The following PPFIA1 variants were observed in gnomAD, a reference collection of about 807,000 sequenced individuals.
The protein encoded by PPFIA1 is liprin-alpha-1.
PPFIA1 carries 25 observed loss-of-function variants against 149.9 expected under a neutral mutation model. That is an observed-to-expected ratio of 0.17 (90% CI 0.12 to 0.23). The LOEUF (loss-of-function observed/expected upper bound fraction) is 0.23. Ranked by LOEUF, PPFIA1 falls within the 10% of genes least tolerant of loss-of-function variation. PPFIA1 has a pLI of 1.00. For synonymous variants in PPFIA1, 549 were observed against 552.8 expected (o/e 0.99, Z 0.10); for missense variants, 1,362 against 1,506.5 (o/e 0.90, Z 1.59).
At chr11:70,368,073 C>T (rs75620697) in intron 21 of PPFIA1, among the ~76,000 whole-genome samples, 3 of 152,144 alleles carry the variant, frequency 2.0e-5, no homozygotes, top group South Asian at 2.1e-4. Flanking sequence ...GGAAAGTGGA[C>T]GTTACAGTGA....
chr11:70,357,662 C>T (rs968185939), intron 19 of PPFIA1, among the ~76,000 whole-genome samples: 3 of 151,522 alleles, frequency 2.0e-5, no homozygotes, highest in South Asian at 4.2e-4. Flanking sequence ...TCTCAGTTCA[C>T]TGCAAGCTCT....
intron 12 of PPFIA1, 96 bp downstream of exon 12, chr11:70,337,523 G>A: frequency 4.5e-6 from 4 of 883,768 alleles, no homozygotes; most frequent in Non-Finnish European, 6.7e-6. Flanking sequence ...AGAGCAGCTT[G>A]GTTTGTGGCT....
At chr11:70,334,428 G>A (rs958635531) in intron 10 of PPFIA1, 3 of 152,230 alleles carry the variant, frequency 2.0e-5, no homozygotes, top group African/African-American at 7.2e-5. Context: ...CCGACTCCCA[G>A]TGAGAGGGTG....
intron 2 of PPFIA1, among the ~76,000 whole-genome samples, chr11:70,275,760 T>C (rs892072520): frequency 2.6e-5 from 4 of 152,192 alleles, no homozygotes; most frequent in African/African-American, 4.8e-5. Flanking sequence ...TTTGATCTTT[T>C]TGTCATCTTT....
intron 2 of PPFIA1, among the ~76,000 whole-genome samples, chr11:70,293,913 G>A (rs2051706783): frequency 6.7e-6 from 1 of 149,728 alleles, no homozygotes; most frequent in South Asian, 2.1e-4. Flanking sequence ...TAAATACTCT[G>A]TAGTTCCTGC....
At position 70,331,976 on chromosome 11, in the gene PPFIA1, G is replaced by T; in HGVS notation, c.1094G>T (p.Arg365Leu). The T allele has an allele frequency of 6.2e-7, 1 of 1,609,460 alleles. No homozygotes were observed. The highest frequency in any genetic ancestry group is 8.5e-7 in the Non-Finnish European group (1 of 1,178,606). ...ATTTTATAGACTGAAGATAAAAACC[G>T]CCAGTTACAGGAGCGCTTGGAATTG... ...SMHRQTEDKN[R>L]QLQERLELAE... The change falls in exon 9 of 28, where the codon CGC (arginine) becomes CTC (leucine). Residue 365 changes from arginine to leucine, a missense_variant. Physicochemically the swap from Arg to Leu is moderately radical, Grantham distance 102 (BLOSUM62 -2). Coordinates refer to ENST00000253925, the MANE Select transcript of PPFIA1 (RefSeq NM_003626.5).
intron 2 of PPFIA1, among the ~76,000 whole-genome samples, chr11:70,292,380 C>T (rs989515950): frequency 6.6e-6 from 1 of 152,178 alleles, no homozygotes; most frequent in African/African-American, 2.4e-5. Flanking sequence ...CACATTGGAG[C>T]GCGGGCTGGG....
chr11:70,357,628 C>A (rs1242043077), intron 19 of PPFIA1, among the ~76,000 whole-genome samples: 2 of 151,460 alleles, frequency 1.3e-5, no homozygotes, highest in African/African-American at 4.9e-5. Flanking sequence ...GCTCTGTCAC[C>A]CACGCTGGAG....
chr11:70,283,659 A>T (rs916981298), intron 2 of PPFIA1, among the ~76,000 whole-genome samples: 12 of 151,466 alleles, frequency 7.9e-5, no homozygotes, highest in Non-Finnish European at 1.8e-4. Context: ...CCAAACTAGG[A>T]TGCTAGAATC....
intron 2 of PPFIA1, among the ~76,000 whole-genome samples, chr11:70,276,727 A>G (rs963032276): frequency 2.0e-4 from 31 of 152,056 alleles, no homozygotes; most frequent in African/African-American, 7.2e-4. Context: ...ATATTTCTTC[A>G]TGTGTCTATT....
intron 16 of PPFIA1, among the ~76,000 whole-genome samples, chr11:70,351,963 G>A (rs141716169): frequency 6.6e-6 from 1 of 152,220 alleles, no homozygotes; most frequent in Admixed American, 6.5e-5. Flanking sequence ...ATTAGGAGGA[G>A]ATCTGCTCAG....
chr11:70,347,556 A>G (rs994513561), intron 15 of PPFIA1, among the ~76,000 whole-genome samples: 52 of 152,154 alleles, frequency 3.4e-4, no homozygotes, highest in Admixed American at 3.2e-3. Flanking sequence ...ATTTTAAAAG[A>G]TGAGCCAGGC....
At chr11:70,368,548 T>C (rs1339258839) in intron 21 of PPFIA1, among the ~76,000 whole-genome samples, 1 of 152,224 alleles carries the variant, frequency 6.6e-6, no homozygotes, top group East Asian at 1.9e-4. Flanking sequence ...GTGTATAGAA[T>C]GTGTTAGTTC....
At position 70,326,243 on chromosome 11, in the gene PPFIA1, T is replaced by C; in HGVS notation, c.607-19T>C. ...TTATGTAAGGTATTTTACACTCATA[T>C]TCAATTTTTTGCTTTCAGCTAATGA... On this transcript the variant is annotated intron_variant, in intron 5 of 27. Transcript: ENST00000253925. 1 of 1,427,896 alleles carries C rather than the reference T, an allele frequency of 7.0e-7. No homozygotes were observed. The allele number at this position is 1,427,896 out of a possible 1,614,324, so 88.5% of individuals were successfully genotyped here. A position where few individuals can be genotyped will look rare whatever the true frequency, so the allele number is the denominator to read the frequency against.
At chr11:70,320,029 C>T (rs550161013) in intron 2 of PPFIA1, 2 of 152,258 alleles carry the variant, frequency 1.3e-5, no homozygotes, top group East Asian at 1.9e-4. Context: ...GCTCGTCTGT[C>T]TGTTCTTTAA....
intron 21 of PPFIA1, among the ~76,000 whole-genome samples, chr11:70,366,374 T>C (rs2056937100): frequency 6.6e-6 from 1 of 152,240 alleles, no homozygotes; most frequent in Non-Finnish European, 1.5e-5. Flanking sequence ...ATAATGACTT[T>C]TCCTCTGTGC....
At chr11:70,349,783 T>G (rs572188648) in intron 16 of PPFIA1, 4 of 376,698 alleles carry the variant, frequency 1.1e-5, no homozygotes, top group Non-Finnish European at 2.1e-5. Flanking sequence ...TGTGCTTATT[T>G]CTGTCCAGAG....
At chr11:70,365,477 T>G (rs747671186) in intron 21 of PPFIA1, 1 of 456,472 alleles carries the variant, frequency 2.2e-6, no homozygotes, top group Non-Finnish European at 4.4e-6. Context: ...CAGCGCGTTT[T>G]CCACTTAAGA....
intron 2 of PPFIA1, among the ~76,000 whole-genome samples, chr11:70,298,489 C>CT (rs2052246160): frequency 6.6e-6 from 1 of 152,154 alleles, no homozygotes; most frequent in African/African-American, 2.4e-5. Flanking sequence ...ATGCCTGGCA[C>CT]TTTCTTTTTT....
Sources: gnomAD v4.1 joint callset for allele counts (sites outside exome capture counted in the v4.1 genomes callset) on GRCh38, gnomAD v4.1.1 for gene constraint, MANE v1.5 for transcripts, NCBI Gene and HGNC (gene_info 2026-07-23, HGNC 2026-07-21) for gene names.